Variants in NAV3 observed in about 807,000 individuals in gnomAD.
NAV3 encodes the protein neuron navigator 3, also known as pore membrane and/or filament interacting like protein 1.
In NAV3, 87 loss-of-function variants were observed where a neutral mutation model predicts 244.7. That is an observed-to-expected ratio of 0.36 (90% CI 0.30 to 0.42). The LOEUF is 0.42. Ranked by LOEUF, NAV3 falls within the 20% of genes least tolerant of loss-of-function variation. The pLI is 1.00. For missense variants in NAV3, 2,663 were observed against 2,893.3 expected, an observed-to-expected ratio of 0.92 and a Z score of 1.83; for synonymous variants, 1,126 against 1,042.2, an observed-to-expected ratio of 1.08 and a Z score of -1.55.
At chr12:77,966,189 A>T in intron 3 of NAV3, 40 bp from the exon 4 acceptor site, 1 of 1,547,768 alleles carries the variant, frequency 6.5e-7, no homozygotes, top group Non-Finnish European at 8.9e-7. Flanking sequence ...GTTAAAATAT[A>T]ATCCTCTAAG....
At chr12:77,927,843 A>G (rs979023427) in intron 1 of NAV3, among the ~76,000 whole-genome samples, 1 of 152,072 alleles carries the variant, frequency 6.6e-6, no homozygotes, top group Non-Finnish European at 1.5e-5. Context: ...TTCATTATGT[A>G]TTTTATTTCT....
At chr12:77,904,118 C>A (rs1226036771) in intron 1 of NAV3, among the ~76,000 whole-genome samples, 4 of 152,228 alleles carry the variant, frequency 2.6e-5, no homozygotes, top group African/African-American at 9.6e-5. Flanking sequence ...CTAGAATTAC[C>A]ATTTGACCCA....
At chr12:77,929,403 C>A (rs1056008020) in intron 1 of NAV3, among the ~76,000 whole-genome samples, 9 of 152,284 alleles carry the variant, frequency 5.9e-5, no homozygotes, top group African/African-American at 2.2e-4. Context: ...ACCCTATAAG[C>A]TATAAGCCAG....
chr12:77,972,937 C>G (rs1893116768), intron 5 of NAV3, among the ~76,000 whole-genome samples: 1 of 151,886 alleles, frequency 6.6e-6, no homozygotes, highest in South Asian at 2.1e-4. Flanking sequence ...GACAACAACA[C>G]TCAGTAAATG....
intron 3 of NAV3, among the ~76,000 whole-genome samples, chr12:77,965,519 T>G (rs2731420): frequency 0.8 from 121,810 of 152,066 alleles, 48,935 homozygotes; most frequent in East Asian, 0.98. Context: ...CTTGGGAGAG[T>G]GAGGCCGGAG....
At chr12:77,842,855 A>T (rs1191559554) in intron 1 of NAV3, among the ~76,000 whole-genome samples, 1 of 152,158 alleles carries the variant, frequency 6.6e-6, no homozygotes, top group Non-Finnish European at 1.5e-5. Flanking sequence ...GTGGTATAAG[A>T]CTATTTGTAT....
intron 5 of NAV3, among the ~76,000 whole-genome samples, chr12:77,991,969 T>G (rs1451296565): frequency 6.6e-6 from 1 of 151,808 alleles, no homozygotes; most frequent in Non-Finnish European, 1.5e-5. Context: ...AGGTGGAGGT[T>G]GCAGTGAGCC....
chr12:77,650,070 C>T (rs1797717095), intron 2 of NAV3, among the ~76,000 whole-genome samples: 1 of 152,142 alleles, frequency 6.6e-6, no homozygotes, highest in South Asian at 2.1e-4. Context: ...CCATGTCATA[C>T]CTTCTATTGC....
At chr12:77,932,556 G>A (rs1181869697) in intron 1 of NAV3, among the ~76,000 whole-genome samples, 1 of 152,102 alleles carries the variant, frequency 6.6e-6, no homozygotes, top group Non-Finnish European at 1.5e-5. Context: ...TGTCCTGTGG[G>A]CAATTTCTTA....
At position 77,966,758 on chromosome 12, in the gene NAV3, G is replaced by C. The variant is rs144561392; in HGVS notation, c.487+457G>C. 3.7e-3 allele frequency among the ~76,000 whole-genome samples: 557 copies of C among 152,064 alleles called. 4 individuals carry two copies. Among genetic ancestry groups the C allele is most frequent in the African/African-American group, 0.013 (526 of 41,512 alleles). ...GTTGGTAAGTTTAAGTCACTATGAA[G>C]TCTTAAATAATTAGAACTAACAGCG... On this transcript the variant is annotated intron_variant, in intron 4 of 39. Coordinates refer to ENST00000397909, the MANE Select transcript of NAV3 (RefSeq NM_001024383.2).
At chr12:77,748,802 ACAG>A (rs1249343421) in intron 2 of NAV3, among the ~76,000 whole-genome samples, 2 of 152,140 alleles carry the variant, frequency 1.3e-5, no homozygotes, top group African/African-American at 4.8e-5. Flanking sequence ...GATCTACTGT[ACAG>A]CATGGTGACT....
intron 1 of NAV3, among the ~76,000 whole-genome samples, chr12:77,903,421 C>T (rs576588957): frequency 0.021 from 3,172 of 152,074 alleles, 109 homozygotes; most frequent in African/African-American, 0.068. Flanking sequence ...TAAATGGTGC[C>T]GGGAAAACTG....
intron 39 of NAV3, among the ~76,000 whole-genome samples, chr12:78,207,366 A>G (rs1260175766): frequency 6.6e-6 from 1 of 152,170 alleles, no homozygotes; most frequent in African/African-American, 2.4e-5. Context: ...AGAGAATGTT[A>G]ATAAGTATGT....
chr12:77,589,651 A>G (rs1869813322), intron 2 of NAV3, among the ~76,000 whole-genome samples: 1 of 152,216 alleles, frequency 6.6e-6, no homozygotes, highest in Non-Finnish European at 1.5e-5. Flanking sequence ...TCAGAATACC[A>G]TGGGGTAAAC....
intron 1 of NAV3, among the ~76,000 whole-genome samples, chr12:77,869,410 A>C (rs1349606662): frequency 6.6e-6 from 1 of 152,272 alleles, no homozygotes; most frequent in African/African-American, 2.4e-5. Flanking sequence ...CATTCAATGC[A>C]ATCAATCTTA....
chr12:78,158,755 A>T (rs1170668448), intron 22 of NAV3, among the ~76,000 whole-genome samples: 2 of 152,234 alleles, frequency 1.3e-5, no homozygotes, highest in African/African-American at 4.8e-5. Flanking sequence ...TCATTACAAT[A>T]GAGCAGCTAA....
intron 1 of NAV3, among the ~76,000 whole-genome samples, chr12:77,917,153 T>C (rs1407786788): frequency 6.6e-6 from 1 of 151,980 alleles, no homozygotes; most frequent in Non-Finnish European, 1.5e-5. Context: ...CTAAAATCTA[T>C]TGTTGGTCTA....
intron 2 of NAV3, among the ~76,000 whole-genome samples, chr12:77,613,229 A>C (rs1870996784): frequency 6.6e-6 from 1 of 152,212 alleles, no homozygotes; most frequent in South Asian, 2.1e-4. Context: ...AATTCTAAAC[A>C]GTACAATGAG....
At chr12:77,743,680 C>T (rs1331495330) in intron 2 of NAV3, among the ~76,000 whole-genome samples, 1 of 151,648 alleles carries the variant, frequency 6.6e-6, no homozygotes, top group Non-Finnish European at 1.5e-5. Flanking sequence ...GAGAAATATA[C>T]TGAATGAAAG....
Sources: allele counts gnomAD v4.1 joint callset (sites outside exome capture counted in the v4.1 genomes callset), GRCh38; gene constraint gnomAD v4.1.1; transcripts MANE v1.5; gene names NCBI Gene and HGNC (gene_info 2026-07-23, HGNC 2026-07-21).